The following CLIP2 variants were observed in gnomAD, a reference collection of about 807,000 sequenced individuals.
CLIP2 encodes the protein CAP-Gly domain containing linker protein 2.
A neutral mutation model predicts 111.7 loss-of-function variants in CLIP2; 41 were observed. The ratio of observed to expected loss-of-function variants is 0.37; its 90% CI spans 0.29 to 0.48. The LOEUF (loss-of-function observed/expected upper bound fraction) is 0.48, where lower values mean the gene tolerates loss of function less well. CLIP2 is among the 20% of genes least tolerant of loss of function. The pLI, the probability that CLIP2 is intolerant of heterozygous loss-of-function variation, is 0.99. For missense variants in CLIP2, 1,160 were observed against 1,422.1 expected, an observed-to-expected ratio of 0.82 and a Z score of 2.96; for synonymous variants, 660 against 644.2, an observed-to-expected ratio of 1.02 and a Z score of -0.37.
intron 1 of CLIP2, among the ~76,000 whole-genome samples, chr7:74,313,850 G>A (rs1440353424): frequency 6.6e-6 from 1 of 152,130 alleles, no homozygotes; most frequent in Non-Finnish European, 1.5e-5. Flanking sequence ...CTAGGAGTGG[G>A]AATCGGGTCA....
At chr7:74,389,325 T>C in intron 13 of CLIP2, 66 bp downstream of exon 13, 1 of 1,431,942 alleles carries the variant, frequency 7.0e-7, no homozygotes, top group Non-Finnish European at 9.3e-7. Flanking sequence ...CTTCTTGACA[T>C]TAGCTCATGT....
chr7:74,386,974 G>GA (rs1334099034), intron 12 of CLIP2, among the ~76,000 whole-genome samples: 1 of 146,410 alleles, frequency 6.8e-6, no homozygotes, highest in African/African-American at 2.5e-5. Flanking sequence ...AGTGAGCCGA[G>GA]ATGGCGCCAC....
intron 12 of CLIP2, chr7:74,388,601 G>A (rs1554315252): frequency 6.6e-6 from 1 of 152,096 alleles, no homozygotes; most frequent in Admixed American, 6.6e-5. Context: ...TTCGAGATCA[G>A]TCTGGCCAAC....
intron 11 of CLIP2, among the ~76,000 whole-genome samples, chr7:74,386,065 TGAGACC>T (rs1252792102): frequency 7.0e-6 from 1 of 142,984 alleles, no homozygotes; most frequent in Non-Finnish European, 1.5e-5. Flanking sequence ...TTTTTCTTTT[TGAGACC>T]GAGTCTCGCT....
intron 3 of CLIP2, among the ~76,000 whole-genome samples, chr7:74,347,343 A>G (rs541482987): frequency 1.3e-5 from 2 of 152,282 alleles, no homozygotes; most frequent in African/African-American, 2.4e-5. Flanking sequence ...ACCTCAGCTC[A>G]CTGCAAGCTC....
chr7:74,372,420 G>A lies in CLIP2; in HGVS notation c.1381-512G>A, dbSNP rs1305507558. 1.4e-3 allele frequency among the ~76,000 whole-genome samples: 191 copies of A among 139,578 alleles called. 5 individuals carry two copies. Among genetic ancestry groups the A allele is most frequent in the Non-Finnish European group, 2.2e-3 (144 of 64,218 alleles). 91.6% of individuals were successfully genotyped at this position (139,578 alleles called of 152,430 possible). On this transcript the variant is annotated intron_variant, in intron 8 of 16. Transcript: ENST00000223398. ...CAGGCCTTGGGGGGGGGGGGGAGTC[G>A]AGCGGGAATCCCGGGGTCCTTTATT...
rs1381442953 is a variant in CLIP2 at position 74,309,863 on chromosome 7, A to G, written c.-67-7617A>G. 9.3e-5 allele frequency among the ~76,000 whole-genome samples: 14 copies of G among 150,688 alleles called. No individual in the cohort carries two copies. In the East Asian group the frequency reaches 2.0e-3, roughly 21 times the overall value. On this transcript the variant is annotated intron_variant, in intron 1 of 16. Coordinates refer to ENST00000223398, the MANE Select transcript of CLIP2 (RefSeq NM_003388.5). ...AAAAGCATTCATCTATGTTGCACAT[A>G]TCAGTAGTTCTTTATTGCTAAGAAG...
intron 16 of CLIP2, among the ~76,000 whole-genome samples, chr7:74,403,063 A>T (rs2116719767): frequency 6.6e-6 from 1 of 151,214 alleles, no homozygotes; most frequent in Non-Finnish European, 1.5e-5. Flanking sequence ...ATACAAAAAA[A>T]AAAAAATCAT....
At chr7:74,333,096 G>C (rs1336719365) in intron 2 of CLIP2, among the ~76,000 whole-genome samples, 1 of 152,198 alleles carries the variant, frequency 6.6e-6, no homozygotes, top group Non-Finnish European at 1.5e-5. Context: ...GTCATGCTTT[G>C]AACTTGAAAC....
intron 3 of CLIP2, among the ~76,000 whole-genome samples, chr7:74,347,527 C>G (rs1232880789): frequency 1.3e-5 from 2 of 152,128 alleles, no homozygotes; most frequent in African/African-American, 4.8e-5. Context: ...CTCGGCCTCC[C>G]AAAGTGCTGG....
At chr7:74,388,175 C>CA in intron 12 of CLIP2, among the ~76,000 whole-genome samples, 1 of 152,064 alleles carries the variant, frequency 6.6e-6, no homozygotes, top group South Asian at 2.1e-4. Context: ...ACTAAAAATA[C>CA]AAAAAAATTA....
chr7:74,345,282 T>G (rs1554306045), intron 3 of CLIP2, among the ~76,000 whole-genome samples: 1 of 151,848 alleles, frequency 6.6e-6, no homozygotes, highest in African/African-American at 2.4e-5. Flanking sequence ...TCGCCCAGAG[T>G]GGAGTATAGT....
chr7:74,397,361 G>A (rs1791485038), intron 14 of CLIP2, 128 bp downstream of exon 14: 6 of 1,046,638 alleles, frequency 5.7e-6, no homozygotes, highest in Admixed American at 5.3e-5. Context: ...GTCATGGTGA[G>A]GATTTGAAAT....
intron 12 of CLIP2, 52 bp from the exon 13 acceptor site, chr7:74,389,051 A>C: frequency 6.4e-7 from 1 of 1,552,574 alleles, no homozygotes; most frequent in Non-Finnish European, 8.7e-7. Context: ...GGTGGGACAG[A>C]AGCTCACGTG....
chr7:74,318,669 C>T (rs1226983096), intron 2 of CLIP2, among the ~76,000 whole-genome samples: 2 of 152,062 alleles, frequency 1.3e-5, no homozygotes, highest in African/African-American at 4.8e-5. Flanking sequence ...GCCGAGATCA[C>T]ACCACTGCAC....
At chr7:74,336,920 C>G (rs9986958) in intron 2 of CLIP2, among the ~76,000 whole-genome samples, 9,493 of 137,116 alleles carry the variant, frequency 0.069, 688 homozygotes, top group East Asian at 0.34. Context: ...GAGTCTCACT[C>G]TGTCACCCAG....
chr7:74,389,129 GAGA>G lies in CLIP2; in HGVS notation c.2596_2598del (p.Lys866del). ...GCTGGAGAGCAAGTGTAAGTCAGGC[GAGA>G]AGAAGGTGGACGCCCTCCTGAAGGA... On this transcript the variant is annotated inframe_deletion, in exon 13 of 17. Coordinates refer to ENST00000223398, the MANE Select transcript of CLIP2 (RefSeq NM_003388.5). The G allele has an allele frequency of 6.2e-7, 1 of 1,612,930 alleles. No homozygotes were observed. The highest frequency in any genetic ancestry group is 8.5e-7 in the Non-Finnish European group (1 of 1,179,698).
At chr7:74,305,725 C>T (rs980504331) in intron 1 of CLIP2, among the ~76,000 whole-genome samples, 9 of 152,078 alleles carry the variant, frequency 5.9e-5, no homozygotes, top group African/African-American at 1.9e-4. Flanking sequence ...AACTCCTGAC[C>T]TCAGGTGATC....
chr7:74,361,223 TTTTC>T (rs1457036189), intron 7 of CLIP2, among the ~76,000 whole-genome samples: 4 of 41,242 alleles, frequency 9.7e-5, no homozygotes, highest in Non-Finnish European at 2.2e-4. Context: ...CTCCCTCCCT[TTTTC>T]TTTCTTTTTT....
Sources: gnomAD v4.1 joint callset for allele counts (sites outside exome capture counted in the v4.1 genomes callset) on GRCh38, gnomAD v4.1.1 for gene constraint, MANE v1.5 for transcripts, NCBI Gene and HGNC (gene_info 2026-07-23, HGNC 2026-07-21) for gene names.